WWOX: variants seen among roughly 807,000 people sequenced by gnomAD.
WWOX encodes WW domain-containing oxidoreductase.
WWOX carries 69 observed loss-of-function variants against 46.2 expected under a neutral mutation model. The ratio of observed to expected loss-of-function variants is 1.49; its 90% CI spans 1.23 to 1.82. The LOEUF (loss-of-function observed/expected upper bound fraction) is 1.82, where lower values mean the gene tolerates loss of function less well. Ranked by LOEUF, WWOX falls within the 40% of genes most tolerant of loss-of-function variation. The pLI is 0.00. For missense variants in WWOX, 919 were observed against 542.6 expected (o/e 1.69, Z -6.89); for synonymous variants, 359 against 202.6 (o/e 1.77, Z -6.56).
intron 8 of WWOX, among the ~76,000 whole-genome samples, chr16:78,792,842 C>G (rs116847660): frequency 6.6e-6 from 1 of 152,156 alleles, no homozygotes; most frequent in Admixed American, 6.5e-5. Flanking sequence ...CAGCTCTGCT[C>G]TCTGCTCACC....
intron 8 of WWOX, among the ~76,000 whole-genome samples, chr16:79,089,129 G>C (rs1302721914): frequency 2.0e-5 from 3 of 152,094 alleles, no homozygotes; most frequent in Non-Finnish European, 2.9e-5. Flanking sequence ...CATCAGGAAG[G>C]CCGCATATGG....
chr16:78,927,539 A>C lies in WWOX; in HGVS notation c.1057-284069A>C, dbSNP rs62038101. ...TAGGCACTCAATAGATATTTGATAA[A>C]TGGATGTTAGTCATTTGATTTCTGA... On this transcript the variant is annotated intron_variant, in intron 8 of 8. Coordinates refer to ENST00000566780, the MANE Select transcript of WWOX (RefSeq NM_016373.4). Among the ~76,000 whole-genome samples the C allele has an allele frequency of 9.4e-3, 1,435 of 152,274 alleles. 18 individuals carry two copies. The highest frequency in any genetic ancestry group is 0.013 in the Non-Finnish European group (886 of 68,020).
intron 5 of WWOX, among the ~76,000 whole-genome samples, chr16:78,204,595 G>C (rs559258488): frequency 6.6e-6 from 1 of 152,066 alleles, no homozygotes; most frequent in South Asian, 2.1e-4. Context: ...CCATTTTTGT[G>C]CTCTCCATTT....
chr16:78,198,657 A>G (rs1025671473), intron 5 of WWOX, among the ~76,000 whole-genome samples: 1 of 152,108 alleles, frequency 6.6e-6, no homozygotes. Flanking sequence ...GGCACTATCT[A>G]ATGACTTTTG....
At chr16:78,916,995 A>G (rs2045266756) in intron 8 of WWOX, among the ~76,000 whole-genome samples, 1 of 152,148 alleles carries the variant, frequency 6.6e-6, no homozygotes, top group Non-Finnish European at 1.5e-5. Context: ...TTTTCTCAGC[A>G]TTGGCACCAT....
intron 8 of WWOX, among the ~76,000 whole-genome samples, chr16:78,730,253 G>C (rs12598149): frequency 0.29 from 43,828 of 151,906 alleles, 8,368 homozygotes; most frequent in African/African-American, 0.54. Context: ...TATGAACGAC[G>C]TTAGTACCTC....
intron 8 of WWOX, among the ~76,000 whole-genome samples, chr16:78,634,707 A>C (rs866544446): frequency 1.2e-3 from 117 of 95,180 alleles, no homozygotes; most frequent in Middle Eastern, 0.011. Flanking sequence ...CTCTGTGTTA[A>C]AAAAAAAAAA....
chr16:78,608,459 T>C (rs1429116000), intron 8 of WWOX, among the ~76,000 whole-genome samples: 3 of 152,202 alleles, frequency 2.0e-5, no homozygotes. Context: ...AGTTGCCTTA[T>C]AAAGCTGCGA....
chr16:78,351,453 G>A (rs2081182041), intron 5 of WWOX, among the ~76,000 whole-genome samples: 1 of 152,200 alleles, frequency 6.6e-6, no homozygotes, highest in African/African-American at 2.4e-5. Context: ...GGGATGGGGT[G>A]AGGGGGGATA....
At chr16:78,132,314 C>T (rs1369411479) in intron 4 of WWOX, among the ~76,000 whole-genome samples, 1 of 152,120 alleles carries the variant, frequency 6.6e-6, no homozygotes, top group Admixed American at 6.5e-5. Context: ...GCGTGAGCCA[C>T]CACGCCCGGC....
intron 8 of WWOX, among the ~76,000 whole-genome samples, chr16:79,037,178 A>G (rs936265144): frequency 1.3e-5 from 2 of 152,164 alleles, no homozygotes; most frequent in Non-Finnish European, 2.9e-5. Flanking sequence ...GCACCATCAG[A>G]AAAGTGACAG....
Position 78,115,096 on chromosome 16 carries a change from C to A in WWOX, c.351C>A (p.Leu117=), listed in dbSNP as rs34944716. The part of the protein sequence containing the change: ...YDGSTTAMEI[L]QGRDFTGKVV... ...GCAGCACCACTGCCATGGAAATTCTCCAGGGCCGGGATTTCACTGGCAAAG... is the reference window on the plus strand; with the variant it reads ...GCAGCACCACTGCCATGGAAATTCTACAGGGCCGGGATTTCACTGGCAAAG... The change falls in exon 4 of 9, where the codon CTC becomes CTA. Residue 117 remains leucine (L), a synonymous_variant. Coordinates refer to ENST00000566780, the MANE Select transcript of WWOX (RefSeq NM_016373.4). The A allele has an allele frequency of 2.0e-5, 33 of 1,614,146 alleles. 3 individuals are homozygous for A. The South Asian group carries it at 3.6e-4, about 18-fold the overall frequency.
At chr16:78,736,276 C>A (rs1471173457) in intron 8 of WWOX, among the ~76,000 whole-genome samples, 1 of 152,180 alleles carries the variant, frequency 6.6e-6, no homozygotes, top group Non-Finnish European at 1.5e-5. Context: ...TCGTGTCGGA[C>A]AGTCATAGGC....
intron 8 of WWOX, among the ~76,000 whole-genome samples, chr16:78,613,076 G>C (rs146609255): frequency 6.6e-6 from 1 of 152,218 alleles, no homozygotes; most frequent in African/African-American, 2.4e-5. Flanking sequence ...CTGTGCTTTA[G>C]TAACTCATGG....
At chr16:78,533,142 A>G (rs2043664541) in intron 8 of WWOX, among the ~76,000 whole-genome samples, 1 of 151,882 alleles carries the variant, frequency 6.6e-6, no homozygotes, top group African/African-American at 2.4e-5. Flanking sequence ...TAAACCAACC[A>G]AAGGTTGGAG....
intron 6 of WWOX, among the ~76,000 whole-genome samples, chr16:78,409,448 C>A: frequency 6.6e-6 from 1 of 152,110 alleles, no homozygotes; most frequent in East Asian, 1.9e-4. Flanking sequence ...TGCAATGTTA[C>A]ATAAACAGAA....
At chr16:78,201,490 GA>G (rs1465763867) in intron 5 of WWOX, among the ~76,000 whole-genome samples, 1 of 151,978 alleles carries the variant, frequency 6.6e-6, no homozygotes, top group Non-Finnish European at 1.5e-5. Context: ...GTAGCAGGTT[GA>G]AAAAAGAGGC....
chr16:79,148,003 A>G (rs138418954), intron 8 of WWOX, among the ~76,000 whole-genome samples: 142 of 152,250 alleles, frequency 9.3e-4, no homozygotes, highest in Non-Finnish European at 1.7e-3. Context: ...GTTTGCAAAT[A>G]TCTTCTCTCA....
In WWOX at chr16:78,502,544, C is replaced by T. The variant is rs188785157; in HGVS notation, c.1056+69792C>T. 9.0e-4 allele frequency among the ~76,000 whole-genome samples: 137 copies of T among 152,300 alleles called. 1 individual carries two copies. The highest frequency in any genetic ancestry group is 1.5e-3 in the Non-Finnish European group (99 of 68,026). The stretch of plus-strand genomic sequence containing the variant: ...CATTTCTTTTTGTGGCTAAGTAATA[C>T]GCCATTGTATGGATATACCACATTT... On this transcript the variant is annotated intron_variant, in intron 8 of 8. Coordinates refer to ENST00000566780, the MANE Select transcript of WWOX (RefSeq NM_016373.4).
Sources: gnomAD v4.1 joint callset for allele counts (sites outside exome capture counted in the v4.1 genomes callset) on GRCh38, gnomAD v4.1.1 for gene constraint, MANE v1.5 for transcripts, NCBI Gene and HGNC (gene_info 2026-07-23, HGNC 2026-07-21) for gene names.